Variants in FHL2 observed in about 807,000 individuals in gnomAD.
FHL2 encodes four and a half LIM domains 2, also known as four and a half LIM domains protein 2.
Under a neutral mutation model 32.7 loss-of-function variants are expected in FHL2, and 20 were observed. The ratio of observed to expected loss-of-function variants is 0.61; its 90% CI spans 0.43 to 0.89. The LOEUF (loss-of-function observed/expected upper bound fraction) is 0.89. Among genes scored for constraint, FHL2 ranks in the 40% least tolerant of loss-of-function variants. The pLI, the probability that FHL2 is intolerant of heterozygous loss-of-function variation, is 0.00. For missense variants in FHL2, 311 were observed against 358.6 expected (o/e 0.87, Z 1.07); for synonymous variants, 123 against 128.1 (o/e 0.96, Z 0.27).
intron 3 of FHL2, chr2:105,385,962 A>T (rs1682278249): frequency 2.9e-6 from 1 of 340,868 alleles, no homozygotes; most frequent in Admixed American, 4.6e-5. Context: ...TCTCATGTAC[A>T]CATTCATTCA....
upstream of FHL2, among the ~76,000 whole-genome samples, chr2:105,401,307 A>T (rs1287676195): frequency 6.6e-6 from 1 of 152,040 alleles, no homozygotes; most frequent in Non-Finnish European, 1.5e-5. Flanking sequence ...TTATGCCTGG[A>T]GTTGTTTCAA....
Sources: allele counts gnomAD v4.1 joint callset (sites outside exome capture counted in the v4.1 genomes callset), GRCh38; gene constraint gnomAD v4.1.1; transcripts MANE v1.5; gene names NCBI Gene and HGNC (gene_info 2026-07-23, HGNC 2026-07-21).